PPARD: variants seen among roughly 807,000 people sequenced by gnomAD.
The protein encoded by PPARD is peroxisome proliferator-activated receptor delta.
In PPARD, 6 loss-of-function variants were observed where a neutral mutation model predicts 39.5. The ratio of observed to expected loss-of-function variants is 0.15; its 90% CI spans 0.08 to 0.30. The LOEUF is 0.30. Ranked by LOEUF, PPARD falls within the 10% of genes least tolerant of loss-of-function variation. The pLI, the probability that PPARD is intolerant of heterozygous loss-of-function variation, is 1.00. For synonymous variants in PPARD, 210 were observed against 231.3 expected (o/e 0.91, Z 0.83); for missense variants, 397 against 596.8 (o/e 0.67, Z 3.49).
At chr6:35,345,241 C>G (rs1489761611) in intron 1 of PPARD, among the ~76,000 whole-genome samples, 1 of 152,110 alleles carries the variant, frequency 6.6e-6, no homozygotes, top group African/African-American at 2.4e-5. Context: ...TTACCAAATT[C>G]CTTCCCCATT....
intron 2 of PPARD, among the ~76,000 whole-genome samples, chr6:35,388,778 G>A (rs971982046): frequency 4.6e-5 from 7 of 152,260 alleles, no homozygotes; most frequent in Non-Finnish European, 8.8e-5. Flanking sequence ...AGGCAGGAGA[G>A]CAGCATAGGC....
At chr6:35,370,889 T>C (rs1431138859) in intron 2 of PPARD, among the ~76,000 whole-genome samples, 2 of 152,210 alleles carry the variant, frequency 1.3e-5, no homozygotes, top group Non-Finnish European at 2.9e-5. Flanking sequence ...GGTGGGGCAG[T>C]TAAGGCCCCA....
Position 35,426,360 on chromosome 6 carries a change from T to C in PPARD, c.*281T>C. The C allele has an allele frequency of 4.0e-6, 2 of 498,188 alleles. No homozygotes were observed. Among genetic ancestry groups the C allele is most frequent in the Non-Finnish European group, 7.2e-6 (2 of 277,462 alleles). The allele number at this position is 498,188 out of a possible 1,614,324, so 30.9% of individuals were successfully genotyped here. A position where few individuals can be genotyped will look rare whatever the true frequency, so the allele number is the denominator to read the frequency against. On this transcript the variant is annotated 3_prime_UTR_variant, in exon 8 of 8. Transcript: ENST00000360694. ...GTTTCTTCCTTTCTGTAGGTTTCTC[T>C]CTTCCCTTCTCCCTTGCCCTCCCTT...
intron 2 of PPARD, among the ~76,000 whole-genome samples, chr6:35,355,924 A>AT (rs561883770): frequency 5.0e-4 from 74 of 147,370 alleles, no homozygotes; most frequent in African/African-American, 1.3e-3. Flanking sequence ...TTCTTATATA[A>AT]TTTTTTTTTT....
At chr6:35,353,960 G>T (rs560736687) in intron 2 of PPARD, among the ~76,000 whole-genome samples, 1 of 152,166 alleles carries the variant, frequency 6.6e-6, no homozygotes, top group Non-Finnish European at 1.5e-5. Flanking sequence ...ACGGCTGGGC[G>T]CATGGCTCAC....
At chr6:35,347,746 T>C (rs1760961539) in intron 2 of PPARD, among the ~76,000 whole-genome samples, 1 of 151,824 alleles carries the variant, frequency 6.6e-6, no homozygotes. Context: ...GTAGCTGGGA[T>C]TATAGGCACC....
intron 2 of PPARD, among the ~76,000 whole-genome samples, chr6:35,383,052 C>T (rs942362251): frequency 3.3e-5 from 5 of 152,136 alleles, no homozygotes; most frequent in African/African-American, 4.8e-5. Context: ...TGTGACAGGT[C>T]ATGGCTGGGC....
intron 2 of PPARD, among the ~76,000 whole-genome samples, chr6:35,388,667 G>C (rs1581605065): frequency 1.3e-5 from 2 of 151,670 alleles, no homozygotes; most frequent in Non-Finnish European, 2.9e-5. Flanking sequence ...AGCCGAGATC[G>C]CGCCACTGCA....
chr6:35,356,571 C>T (rs1230337023), intron 2 of PPARD, among the ~76,000 whole-genome samples: 1 of 152,200 alleles, frequency 6.6e-6, no homozygotes, highest in Non-Finnish European at 1.5e-5. Flanking sequence ...TTTCTCAGCC[C>T]TAGCACTGTA....
Position 35,424,459 on chromosome 6 carries a change from C to T in PPARD, c.758C>T (p.Thr253Ile). The T allele has an allele frequency of 6.2e-7, 1 of 1,614,248 alleles. No homozygotes were observed. Among genetic ancestry groups the T allele is most frequent in the East Asian group, 2.2e-5 (1 of 44,880 alleles). The change falls in exon 7 of 8, where the codon ACA becomes ATA. Residue 253 changes from threonine (T) to isoleucine (I), a missense_variant. Physicochemically the swap from Thr to Ile is moderately conservative, Grantham distance 89 (BLOSUM62 -1). Transcript: ENST00000360694. This position sits in a 1 kb window ranked among gnomAD's most constrained non-coding sequence, Gnocchi z 7.1. ...VHVFYRCQCT[T>I]VETVRELTEF... ...GTCTTCTACCGCTGCCAGTGCACCACAGTGGAGACCGTGCGGGAGCTCACT... is the reference window on the plus strand; with the variant it reads ...GTCTTCTACCGCTGCCAGTGCACCATAGTGGAGACCGTGCGGGAGCTCACT...
chr6:35,373,291 T>C (rs745471790), intron 2 of PPARD, among the ~76,000 whole-genome samples: 10 of 152,192 alleles, frequency 6.6e-5, no homozygotes, highest in Admixed American at 1.3e-4. Context: ...GTAATCGGGA[T>C]GATTAAATGA....
In PPARD at chr6:35,424,019, C is replaced by G. The variant is rs1490233176; in HGVS notation, c.498C>G (p.Ser166Arg). 6.2e-7 allele frequency: 1 copy of G among 1,614,178 alleles called. No individual in the cohort carries two copies. The highest frequency in any genetic ancestry group is 8.5e-7 in the Non-Finnish European group (1 of 1,180,018). The change falls in exon 6 of 8, where the codon AGC becomes AGG. Residue 166 changes from serine to arginine, a missense_variant. Physicochemically the swap from Ser to Arg is moderately radical, Grantham distance 110. Coordinates refer to ENST00000360694, the MANE Select transcript of PPARD (RefSeq NM_006238.5). This position sits in a 1 kb window ranked among gnomAD's most constrained non-coding sequence, Gnocchi z 7.1. ...CAGGGCTGACTGCAAACGAGGGGAG[C>G]CAGTACAACCCACAGGTGGCCGACC... is the stretch of plus-strand genomic sequence containing the variant. ...LVAGLTANEG[S>R]QYNPQVADLK... is the part of the protein sequence containing the mutation.
At chr6:35,360,931 TG>T (rs1171743946) in intron 2 of PPARD, among the ~76,000 whole-genome samples, 8 of 135,972 alleles carry the variant, frequency 5.9e-5, no homozygotes, top group African/African-American at 3.0e-4. Context: ...CTGGGAACTG[TG>T]CCCATCTGCC....
At chr6:35,420,819 C>CTTTTTTTTTTTTTTTTTTTTTT (rs35852986) in intron 4 of PPARD, among the ~76,000 whole-genome samples, 2 of 85,710 alleles carry the variant, frequency 2.3e-5, no homozygotes, top group Non-Finnish European at 4.2e-5. Flanking sequence ...AACAAAGAAG[C>CTTTTTTTTTTTTTTTTTTTTTT]TTTTTTTTTT....
intron 2 of PPARD, among the ~76,000 whole-genome samples, chr6:35,402,269 A>G (rs1233270890): frequency 2.0e-5 from 3 of 152,194 alleles, no homozygotes; most frequent in Non-Finnish European, 4.4e-5. Flanking sequence ...TTTTGTTTTT[A>G]TGCATGTGTA....
At chr6:35,415,750 TAGTC>T (rs943201657) in intron 3 of PPARD, among the ~76,000 whole-genome samples, 12 of 131,678 alleles carry the variant, frequency 9.1e-5, no homozygotes, top group Admixed American at 3.7e-4. Context: ...GTCACTGTAT[TAGTC>T]AGGGTTCTCC....
intron 2 of PPARD, among the ~76,000 whole-genome samples, chr6:35,408,229 A>C (rs9462081): frequency 0.072 from 10,918 of 152,292 alleles, 809 homozygotes; most frequent in African/African-American, 0.18. Flanking sequence ...AGGAAATAAT[A>C]GCTTTTTCGG....
chr6:35,379,071 G>A (rs1197231245), intron 2 of PPARD, among the ~76,000 whole-genome samples: 1 of 151,864 alleles, frequency 6.6e-6, no homozygotes, highest in African/African-American at 2.4e-5. Flanking sequence ...ACAGGGTTAG[G>A]GCTTGGAGTA....
At position 35,367,062 on chromosome 6, in the gene PPARD, G is replaced by A. The variant is rs1012885552; in HGVS notation, c.-102+19912G>A. ...GGAAGTGGAAAGGTGGGGGTGACTG[G>A]GGAGGTGAGGTTTTGTCCGTTCCCT... is the stretch of plus-strand genomic sequence containing the variant. On this transcript the variant is annotated intron_variant, in intron 2 of 7. Transcript: ENST00000360694. 1.2e-4 allele frequency among the ~76,000 whole-genome samples: 19 copies of A among 152,160 alleles called. 1 individual carries two copies. The highest frequency in any genetic ancestry group is 1.2e-3 in the Admixed American group (19 of 15,274).
Sources: gnomAD v4.1 joint callset for allele counts (sites outside exome capture counted in the v4.1 genomes callset) on GRCh38, gnomAD v4.1.1 for gene constraint, Gnocchi (gnomAD v3.1) non-coding constraint, MANE v1.5 for transcripts, NCBI Gene and HGNC (gene_info 2026-07-23, HGNC 2026-07-21) for gene names.